Variants in MYOF observed in about 807,000 individuals in gnomAD.
The protein encoded by MYOF is myoferlin.
A neutral mutation model predicts 284.2 loss-of-function variants in MYOF; 244 were observed. The observed-to-expected ratio is 0.86, with a 90% confidence interval of 0.77 to 0.95. MYOF has a LOEUF of 0.95. Among genes scored for constraint, MYOF ranks in the 40% least tolerant of loss-of-function variants. The probability of loss-of-function intolerance (pLI) is 0.00; values close to 1 mark genes in which losing one functional copy is unlikely to be tolerated. For synonymous variants in MYOF, 904 were observed against 919.7 expected (o/e 0.98, Z 0.31); for missense variants, 2,496 against 2,560.6 (o/e 0.97, Z 0.54).
At chr10:93,403,609 A>G (rs1466965283) in intron 9 of MYOF, among the ~76,000 whole-genome samples, 2 of 152,216 alleles carry the variant, frequency 1.3e-5, no homozygotes, top group African/African-American at 4.8e-5. Context: ...AGTGAGAGCT[A>G]CTTATAGAAG....
chr10:93,412,068 C>A (rs533292906), intron 5 of MYOF, among the ~76,000 whole-genome samples: 79 of 152,120 alleles, frequency 5.2e-4, no homozygotes, highest in Admixed American at 1.2e-3. Context: ...TAGAAGGGAC[C>A]TTAGAGATCC....
At chr10:93,396,780 TA>T (rs1847031817) in intron 15 of MYOF, among the ~76,000 whole-genome samples, 1 of 152,192 alleles carries the variant, frequency 6.6e-6, no homozygotes, top group Non-Finnish European at 1.5e-5. Context: ...ATGGTCTTGT[TA>T]TGGCCAATCA....
At chr10:93,356,531 G>A (rs1360776391) in intron 30 of MYOF, 144 bp downstream of exon 30, 1 of 837,990 alleles carries the variant, frequency 1.2e-6, no homozygotes, top group Non-Finnish European at 1.9e-6. Flanking sequence ...CCCAGGATGT[G>A]TGGCTTTCCC....
chr10:93,369,272 T>C (rs1845476479), intron 25 of MYOF, among the ~76,000 whole-genome samples: 1 of 152,038 alleles, frequency 6.6e-6, no homozygotes, highest in African/African-American at 2.4e-5. Context: ...TGTGTGTGTG[T>C]GTGTATACTC....
intron 1 of MYOF, among the ~76,000 whole-genome samples, chr10:93,472,970 A>G (rs1303538034): frequency 6.6e-6 from 1 of 152,142 alleles, no homozygotes; most frequent in Non-Finnish European, 1.5e-5. Context: ...TTTTATCACA[A>G]TTGCTCCCAA....
At chr10:93,440,397 C>G (rs1051401684) in intron 3 of MYOF, among the ~76,000 whole-genome samples, 2 of 137,628 alleles carry the variant, frequency 1.5e-5, no homozygotes, top group Non-Finnish European at 3.1e-5. Context: ...GTCGACAGAG[C>G]AAGACTCCGT....
intron 10 of MYOF, 108 bp from the exon 11 acceptor site, chr10:93,402,455 G>A (rs1847341201): frequency 2.3e-6 from 2 of 854,412 alleles, no homozygotes; most frequent in African/African-American, 1.7e-5. Context: ...GCCTCTTCAC[G>A]ACACACCAAA....
chr10:93,392,833 A>AT, intron 17 of MYOF, 84 bp downstream of exon 17: 4 of 1,296,416 alleles, frequency 3.1e-6, no homozygotes, highest in Non-Finnish European at 4.4e-6. Context: ...GTCAAAAAAA[A>AT]GTTCTAAAGA....
chr10:93,355,721 C>A lies in MYOF; in HGVS notation c.3310G>T (p.Glu1104Ter). 1 of 1,612,780 alleles carries A rather than the reference C, an allele frequency of 6.2e-7. No homozygotes were observed. The highest frequency in any genetic ancestry group is 8.5e-7 in the Non-Finnish European group (1 of 1,179,142). Reference protein sequence around the residue: ...LEGALGADTTEDGDEKSLEKQ... With the variant: ...LEGALGADTT ...TCCAGGCTCTTCTCATCCCCATCTTCGGTAGTGTCTGCCCCCTGAAGTCAA... is the reference window on the plus strand; with the variant it reads ...TCCAGGCTCTTCTCATCCCCATCTTAGGTAGTGTCTGCCCCCTGAAGTCAA... Residue 1104 changes from glutamate (E) to a stop codon, truncating the protein, a stop_gained, in exon 31 of 54, where the codon GAA (glutamate) becomes TAA (stop). Transcript: ENST00000359263. LOFTEE classifies it high-confidence loss of function.
intron 37 of MYOF, among the ~76,000 whole-genome samples, chr10:93,345,374 A>T (rs1454656112): frequency 6.6e-6 from 1 of 152,170 alleles, no homozygotes; most frequent in Middle Eastern, 3.2e-3. Context: ...GGAGTAAGTA[A>T]CCTAGGTTTG....
rs749776878 is a variant in MYOF, at chr10:93,336,022, C to T, written c.4462G>A (p.Val1488Ile). 8.1e-6 allele frequency: 13 copies of T among 1,614,056 alleles called. No homozygotes were observed. The highest frequency in any genetic ancestry group is 1.1e-5 in the Non-Finnish European group (13 of 1,179,982). The change falls in exon 41 of 54, where the codon GTA becomes ATA. Residue 1488 changes from valine to isoleucine, a missense_variant. Transcript: ENST00000359263. ...TCTGTCAGGCCCTCAAATTCTGCTACATTTTCTAGTTCACAATTATATATC... is the reference window on the plus strand; with the variant it reads ...TCTGTCAGGCCCTCAAATTCTGCTATATTTTCTAGTTCACAATTATATATC... ...LKIYNCELEN[V>I]AEFEGLTDFS...
chr10:93,314,002 T>C (rs934564203), intron 50 of MYOF, among the ~76,000 whole-genome samples: 6 of 152,182 alleles, frequency 3.9e-5, no homozygotes, highest in African/African-American at 1.4e-4. Flanking sequence ...AGAAGGAACA[T>C]GACTCAACAG....
At chr10:93,326,332 G>A (rs1042796829) in intron 45 of MYOF, among the ~76,000 whole-genome samples, 3 of 152,188 alleles carry the variant, frequency 2.0e-5, no homozygotes, top group African/African-American at 7.2e-5. Flanking sequence ...AACATGGGTA[G>A]AAGTGACATG....
At chr10:93,468,089 T>G (rs1275813807) in intron 1 of MYOF, among the ~76,000 whole-genome samples, 3 of 152,212 alleles carry the variant, frequency 2.0e-5, no homozygotes, top group Non-Finnish European at 4.4e-5. Flanking sequence ...CTATTATTAT[T>G]ATGATCCTTA....
chr10:93,422,401 T>G (rs1477673650), intron 5 of MYOF, among the ~76,000 whole-genome samples: 1 of 152,210 alleles, frequency 6.6e-6, no homozygotes, highest in Non-Finnish European at 1.5e-5. Flanking sequence ...TTCAGTCTAC[T>G]GTCCTGCTGG....
Position 93,328,871 on chromosome 10 carries a change from G to A in MYOF, c.5023C>T (p.Gln1675Ter). The A allele has an allele frequency of 6.2e-7, 1 of 1,613,510 alleles. No individual in the cohort carries two copies. The highest frequency in any genetic ancestry group is 1.1e-5 in the South Asian group (1 of 91,004). ...AATCTGGCGACATTTTGAAGCAGCT[G>A]TGTTGGTCTCAGTTGATCTCGCCAG... ...NTWRDQLRPT[Q>*]LLQNVARFKG... Residue 1675 changes from glutamine to a stop codon, truncating the protein, a stop_gained, in exon 45 of 54, where the codon CAG becomes TAG. Coordinates refer to ENST00000359263, the MANE Select transcript of MYOF (RefSeq NM_013451.4). LOFTEE classifies it high-confidence loss of function.
At position 93,412,484 on chromosome 10, in the gene MYOF, G is replaced by A. The variant is rs561281159; in HGVS notation, c.434-2745C>T. Among the ~76,000 whole-genome samples, 3 of 152,232 alleles carry A rather than the reference G, an allele frequency of 2.0e-5. No homozygotes were observed. In the South Asian group the frequency reaches 6.2e-4, roughly 32 times the overall value. The stretch of plus-strand genomic sequence containing the variant: ...CCAGGTAAGTTCCTCTCCTTCTTAA[G>A]TTTCAGATGAAACTTACTGTCTTCC... On this transcript the variant is annotated intron_variant, in intron 5 of 53. Coordinates refer to ENST00000359263, the MANE Select transcript of MYOF (RefSeq NM_013451.4).
chr10:93,325,145 C>A (rs1377907037), intron 46 of MYOF, among the ~76,000 whole-genome samples: 1 of 152,306 alleles, frequency 6.6e-6, no homozygotes, highest in South Asian at 2.1e-4. Context: ...GATTCCTGGA[C>A]CCACCCTAGA....
chr10:93,452,161 G>GA lies in MYOF; in HGVS notation c.145-21dup, dbSNP rs2056609741. ...CAAAATCTGTTCACAGAAAGGTTTTGAAAAAAGAGAAAAAAAAAGGCTGTT... is the reference window on the plus strand; with the variant it reads ...CAAAATCTGTTCACAGAAAGGTTTTGAAAAAAAGAGAAAAAAAAAGGCTGTT... On this transcript the variant is annotated intron_variant, in intron 2 of 53. Coordinates refer to ENST00000359263, the MANE Select transcript of MYOF (RefSeq NM_013451.4). 1.3e-6 allele frequency: 2 copies of GA among 1,506,616 alleles called. No individual in the cohort carries two copies. Among genetic ancestry groups the GA allele is most frequent in the Admixed American group, 1.9e-5 (1 of 51,610 alleles). The allele number at this position is 1,506,616 out of a possible 1,614,324, so 93.3% of individuals were successfully genotyped here. A position where few individuals can be genotyped will look rare whatever the true frequency, so the allele number is the denominator to read the frequency against.
Sources: allele counts gnomAD v4.1 joint callset (sites outside exome capture counted in the v4.1 genomes callset), GRCh38; gene constraint gnomAD v4.1.1; transcripts MANE v1.5; gene names NCBI Gene and HGNC (gene_info 2026-07-23, HGNC 2026-07-21).